ELOVL5: variants seen among roughly 807,000 people sequenced by gnomAD.
ELOVL5 encodes the protein very long chain fatty acid elongase 5.
Under a neutral mutation model 38.6 loss-of-function variants are expected in ELOVL5, and 8 were observed. That is an observed-to-expected ratio of 0.21 (90% CI 0.12 to 0.37). The LOEUF (loss-of-function observed/expected upper bound fraction) is 0.37. Among genes scored for constraint, ELOVL5 ranks in the 10% least tolerant of loss-of-function variants. ELOVL5 has a pLI of 1.00. For missense variants in ELOVL5, 280 were observed against 367.8 expected (o/e 0.76, Z 1.95); for synonymous variants, 127 against 133.7 (o/e 0.95, Z 0.34).
chr6:53,330,304 C>T (rs1768736665), intron 1 of ELOVL5, among the ~76,000 whole-genome samples: 1 of 152,114 alleles, frequency 6.6e-6, no homozygotes. Context: ...TACACCTGTA[C>T]AGGGCACTTA....
intron 3 of ELOVL5, 148 bp from the exon 4 acceptor site, chr6:53,276,404 T>G (rs922319359): frequency 3.2e-6 from 2 of 620,752 alleles, no homozygotes; most frequent in Non-Finnish European, 5.8e-6. Context: ...TAGGCAAGTG[T>G]AAACAAAAGG....
intron 5 of ELOVL5, 140 bp from the exon 6 acceptor site, chr6:53,273,484 G>GC: frequency 1.4e-6 from 1 of 725,514 alleles, no homozygotes; most frequent in Non-Finnish European, 2.2e-6. Flanking sequence ...CACTGCAACA[G>GC]CAAGCAATGC....
intron 1 of ELOVL5, among the ~76,000 whole-genome samples, chr6:53,326,258 C>T (rs1406127955): frequency 6.6e-6 from 1 of 152,170 alleles, no homozygotes; most frequent in African/African-American, 2.4e-5. Context: ...CTTTCAGGCA[C>T]TCATTCTTGC....
At chr6:53,290,075 T>G (rs1310297792) in intron 3 of ELOVL5, 1 of 152,222 alleles carries the variant, frequency 6.6e-6, no homozygotes, top group Non-Finnish European at 1.5e-5. Flanking sequence ...CTCACCAAGC[T>G]ATCAGAGGAA....
At chr6:53,313,076 C>A (rs781163847) in intron 1 of ELOVL5, among the ~76,000 whole-genome samples, 2 of 152,180 alleles carry the variant, frequency 1.3e-5, no homozygotes, top group Non-Finnish European at 2.9e-5. Context: ...TCATACATCT[C>A]ACAAAGAGGC....
At chr6:53,319,278 A>AG in intron 1 of ELOVL5, among the ~76,000 whole-genome samples, 1 of 3,820 alleles carries the variant, frequency 2.6e-4, no homozygotes, top group Non-Finnish European at 8.3e-4. Flanking sequence ...CTCAAAAAAA[A>AG]AAAAAAAAAA....
intron 1 of ELOVL5, among the ~76,000 whole-genome samples, chr6:53,339,568 C>T (rs1191867595): frequency 6.6e-6 from 1 of 152,208 alleles, no homozygotes; most frequent in Non-Finnish European, 1.5e-5. Context: ...ACCACATATA[C>T]AATGATACTC....
chr6:53,339,025 A>G (rs972099181), intron 1 of ELOVL5, among the ~76,000 whole-genome samples: 1 of 146,088 alleles, frequency 6.8e-6, no homozygotes, highest in Non-Finnish European at 1.5e-5. Context: ...ACAAAAACAC[A>G]TTTCTTTTTT....
intron 3 of ELOVL5, among the ~76,000 whole-genome samples, chr6:53,281,440 G>A (rs527745984): frequency 6.6e-6 from 1 of 152,254 alleles, no homozygotes; most frequent in Non-Finnish European, 1.5e-5. Context: ...CCCAGGTCTT[G>A]GTACCACTGG....
intron 1 of ELOVL5, among the ~76,000 whole-genome samples, 196 bp downstream of exon 1, chr6:53,348,618 CGAG>C (rs1358808708): frequency 6.6e-6 from 1 of 152,208 alleles, no homozygotes; most frequent in African/African-American, 2.4e-5. Flanking sequence ...TCCCCGCGCC[CGAG>C]GAGCCGGGCT....
chr6:53,339,377 A>T (rs12207094), intron 1 of ELOVL5, among the ~76,000 whole-genome samples: 14,917 of 152,254 alleles, frequency 0.098, 958 homozygotes, highest in South Asian at 0.19. Flanking sequence ...CAGTTCTGAA[A>T]GAGTCTAAGG....
chr6:53,268,695 T>C lies in ELOVL5; in HGVS notation c.*432A>G, dbSNP rs1397647756. The C allele has an allele frequency of 1.3e-5, 2 of 153,474 alleles. No homozygotes were observed. Among genetic ancestry groups the C allele is most frequent in the African/African-American group, 4.8e-5 (2 of 41,492 alleles). 9.5% of individuals were successfully genotyped at this position (153,474 alleles called of 1,614,324 possible). Reference sequence around the variant, plus strand: ...ATTTAAACTAATAAGCTTTGGGCCCTGCTTTTTAAATTTTAAGGCATGTGT... The same window carrying C: ...ATTTAAACTAATAAGCTTTGGGCCCCGCTTTTTAAATTTTAAGGCATGTGT... On this transcript the variant is annotated 3_prime_UTR_variant, in exon 8 of 8. Coordinates refer to ENST00000304434, the MANE Select transcript of ELOVL5 (RefSeq NM_021814.5).
At chr6:53,322,317 G>T (rs973110524) in intron 1 of ELOVL5, among the ~76,000 whole-genome samples, 8 of 152,086 alleles carry the variant, frequency 5.3e-5, no homozygotes, top group African/African-American at 1.9e-4. Flanking sequence ...TCTTCCAGTT[G>T]TTTTTTTAAT....
chr6:53,300,948 T>C (rs1421844829), intron 1 of ELOVL5, among the ~76,000 whole-genome samples: 1 of 152,110 alleles, frequency 6.6e-6, no homozygotes, highest in Non-Finnish European at 1.5e-5. Context: ...TTGCTGAGCC[T>C]CATCTGCTAT....
chr6:53,285,273 T>C (rs2127571825), intron 3 of ELOVL5, among the ~76,000 whole-genome samples: 1 of 152,316 alleles, frequency 6.6e-6, no homozygotes, highest in East Asian at 1.9e-4. Flanking sequence ...GCCTTATTGC[T>C]GAAAGTTTGA....
At chr6:53,329,532 A>G (rs1768695367) in intron 1 of ELOVL5, among the ~76,000 whole-genome samples, 1 of 152,142 alleles carries the variant, frequency 6.6e-6, no homozygotes, top group African/African-American at 2.4e-5. Flanking sequence ...TTGTCTAAGA[A>G]TACTATGTCG....
chr6:53,282,630 G>A (rs1766401850), intron 3 of ELOVL5, among the ~76,000 whole-genome samples: 1 of 152,218 alleles, frequency 6.6e-6, no homozygotes, highest in African/African-American at 2.4e-5. Context: ...GAAACTAAGA[G>A]TGAAAAGTAT....
At chr6:53,274,900 C>G (rs1471035992) in intron 5 of ELOVL5, among the ~76,000 whole-genome samples, 190 bp downstream of exon 5, 1 of 152,202 alleles carries the variant, frequency 6.6e-6, no homozygotes, top group Non-Finnish European at 1.5e-5. Flanking sequence ...CCAATCAGCA[C>G]AGAAAGTTCA....
intron 3 of ELOVL5, among the ~76,000 whole-genome samples, chr6:53,279,045 G>A (rs532130455): frequency 6.6e-6 from 1 of 152,344 alleles, no homozygotes; most frequent in African/African-American, 2.4e-5. Context: ...CAAGGGGAAA[G>A]AGCATGGGTT....
Sources: allele counts gnomAD v4.1 joint callset (sites outside exome capture counted in the v4.1 genomes callset), GRCh38; gene constraint gnomAD v4.1.1; transcripts MANE v1.5; gene names NCBI Gene and HGNC (gene_info 2026-07-23, HGNC 2026-07-21).